The following UCHL5 variants were observed in gnomAD, a reference collection of about 807,000 sequenced individuals.
UCHL5 encodes the protein ubiquitin C-terminal hydrolase L5.
Under a neutral mutation model 53.8 loss-of-function variants are expected in UCHL5, and 34 were observed. The ratio of observed to expected loss-of-function variants is 0.63; its 90% CI spans 0.48 to 0.84. The LOEUF (loss-of-function observed/expected upper bound fraction) is 0.84, where lower values mean the gene tolerates loss of function less well. UCHL5 is among the 40% of genes least tolerant of loss of function. UCHL5 has a pLI of 0.00. For synonymous variants in UCHL5, 111 were observed against 126.3 expected (o/e 0.88, Z 0.81); for missense variants, 290 against 385.6 (o/e 0.75, Z 2.08).
Position 193,014,132 on chromosome 1 carries a change from T to C in UCHL5, c.*2219A>G, listed in dbSNP as rs1441656467. ...TAAAAAAAACTTTCCAAATAGCATT[T>C]ATCTATTTATGGGTTGCTCTTTATT... On this transcript the variant is annotated 3_prime_UTR_variant, in exon 11 of 11. Coordinates refer to ENST00000367454, the MANE Select transcript of UCHL5 (RefSeq NM_001199261.3). 6.6e-6 allele frequency: 1 copy of C among 152,192 alleles called. No individual in the cohort carries two copies. Among genetic ancestry groups the C allele is most frequent in the African/African-American group, 2.4e-5 (1 of 41,460 alleles). 9.4% of individuals were successfully genotyped at this position (152,192 alleles called of 1,614,324 possible).
At chr1:193,024,018 G>C (rs546690492) in intron 7 of UCHL5, 72 bp from the exon 8 acceptor site, 1 of 1,057,384 alleles carries the variant, frequency 9.5e-7, no homozygotes, top group Non-Finnish European at 1.4e-6. Context: ...ATAATCCATC[G>C]TGATTCCCCT....
At chr1:193,045,906 T>C (rs2102764363) in intron 3 of UCHL5, among the ~76,000 whole-genome samples, 1 of 152,346 alleles carries the variant, frequency 6.6e-6, no homozygotes, top group South Asian at 2.1e-4. Context: ...TTTAAACTCA[T>C]CTGTCCCCTA....
chr1:193,054,957 A>T (rs1670156408), intron 1 of UCHL5, among the ~76,000 whole-genome samples: 1 of 152,204 alleles, frequency 6.6e-6, no homozygotes, highest in African/African-American at 2.4e-5. Flanking sequence ...ATGTCAATAC[A>T]AAAATCCAAG....
rs375167412 is a variant in UCHL5 at position 193,029,393 on chromosome 1, G to T, written c.429C>A (p.Phe143Leu). The T allele has an allele frequency of 5.0e-6, 8 of 1,613,544 alleles. No individual in the cohort carries two copies. Among genetic ancestry groups the T allele is most frequent in the Non-Finnish European group, 6.8e-6 (8 of 1,179,842 alleles). ...SDVIRQVHNS[F>L]ARQQMFEFDT... is the part of the protein sequence containing the mutation. Reference sequence around the variant, plus strand: ...TTAACATAAAGTCTCTTTACCTGGCGAAACTGTTGTGTACTTGTCGAATCA... The same window carrying T: ...TTAACATAAAGTCTCTTTACCTGGCTAAACTGTTGTGTACTTGTCGAATCA... Residue 143 changes from phenylalanine to leucine, a missense_variant, in exon 5 of 11, where the codon TTC becomes TTA. Physicochemically the swap from Phe to Leu is conservative, Grantham distance 22. Transcript: ENST00000367454.
intron 10 of UCHL5, chr1:193,020,291 A>C: frequency 6.5e-7 from 1 of 1,532,516 alleles, no homozygotes; most frequent in Non-Finnish European, 8.8e-7. Flanking sequence ...AAAATTAATA[A>C]GGAAAATATA....
In UCHL5 at chr1:193,016,134, A is replaced by G; in HGVS notation, c.*217T>C. ...CAATGTCAAATAATGGAATTTGGGA[A>G]AGCATTCTTAATATCACTTTCATTT... On this transcript the variant is annotated 3_prime_UTR_variant, in exon 11 of 11. Coordinates refer to ENST00000367454, the MANE Select transcript of UCHL5 (RefSeq NM_001199261.3). 1 of 465,062 alleles carries G rather than the reference A, an allele frequency of 2.2e-6. No homozygotes were observed. The highest frequency in any genetic ancestry group is 4.1e-5 in the Admixed American group (1 of 24,522). 28.8% of individuals were successfully genotyped at this position (465,062 alleles called of 1,614,324 possible). A position where few individuals can be genotyped will look rare whatever the true frequency, so the allele number is the denominator to read the frequency against.
intron 7 of UCHL5, among the ~76,000 whole-genome samples, chr1:193,027,030 T>C (rs923403801): frequency 6.6e-6 from 1 of 152,192 alleles, no homozygotes; most frequent in Non-Finnish European, 1.5e-5. Flanking sequence ...TATAACATTC[T>C]TTAAATGACA....
At chr1:193,020,874 T>G (rs565926459) in intron 10 of UCHL5, among the ~76,000 whole-genome samples, 2 of 151,936 alleles carry the variant, frequency 1.3e-5, no homozygotes, top group South Asian at 2.1e-4. Context: ...GTCTTGACAC[T>G]AAGAATCTGG....
intron 6 of UCHL5, among the ~76,000 whole-genome samples, 189 bp downstream of exon 6, chr1:193,028,990 G>A (rs1660372914): frequency 6.6e-6 from 1 of 152,078 alleles, no homozygotes; most frequent in Admixed American, 6.6e-5. Context: ...GGCATCAACT[G>A]AACTATGGTA....
At chr1:193,028,289 TTG>T in intron 6 of UCHL5, 141 bp from the exon 7 acceptor site, 1 of 600,496 alleles carries the variant, frequency 1.7e-6, no homozygotes. Context: ...TATAATTATG[TTG>T]TTTCAATTCC....
chr1:193,044,301 T>C (rs920261040), intron 3 of UCHL5, among the ~76,000 whole-genome samples: 4 of 152,168 alleles, frequency 2.6e-5, no homozygotes. Flanking sequence ...TGGCACATTG[T>C]AGGTATTCAG....
chr1:193,024,243 T>TAA lies in UCHL5; in HGVS notation c.630-299_630-298dup, dbSNP rs201888142. Among the ~76,000 whole-genome samples, 1,345 of 141,246 alleles carry TAA rather than the reference T, an allele frequency of 9.5e-3. 110 individuals are homozygous for TAA. In the East Asian group the frequency reaches 0.21, roughly 22 times the overall value. The allele number at this position is 141,246 out of a possible 152,430, so 92.7% of individuals were successfully genotyped here. ...GGCAACAGAACAAGACCCTGTCTCTTAAAAAAAAAAACAAAAAAAAGCTTT... is the reference window on the plus strand; with the variant it reads ...GGCAACAGAACAAGACCCTGTCTCTTAAAAAAAAAAAAACAAAAAAAAGCTTT... On this transcript the variant is annotated intron_variant, in intron 7 of 10. Coordinates refer to ENST00000367454, the MANE Select transcript of UCHL5 (RefSeq NM_001199261.3).
In UCHL5 at chr1:193,021,195, T is replaced by A. The variant is rs766225024; in HGVS notation, c.844A>T (p.Ile282Phe). ...EEVQKLKRYKIENIRRKHNYL... is the reference protein window; with the variant it reads ...EEVQKLKRYKFENIRRKHNYL... ...TTATGCTTCCTTCTGATATTCTCAA[T>A]CTGAAAATAAAACATCAATCCACAC... The change falls in exon 10 of 11, where the codon ATT (isoleucine) becomes TTT (phenylalanine). Residue 282 changes from isoleucine (I) to phenylalanine (F), a missense_variant and splice_region_variant. Physicochemically the swap from Ile to Phe is conservative, Grantham distance 21 (BLOSUM62 0). Coordinates refer to ENST00000367454, the MANE Select transcript of UCHL5 (RefSeq NM_001199261.3). 1.9e-6 allele frequency: 3 copies of A among 1,588,022 alleles called. No homozygotes were observed. The highest frequency in any genetic ancestry group is 2.6e-6 in the Non-Finnish European group (3 of 1,158,824).
At chr1:193,019,218 A>T (rs1655998972) in intron 10 of UCHL5, among the ~76,000 whole-genome samples, 1 of 151,566 alleles carries the variant, frequency 6.6e-6, no homozygotes, top group Non-Finnish European at 1.5e-5. Context: ...GCCTGACTTT[A>T]TCCTGGCATT....
chr1:193,018,573 A>G, intron 10 of UCHL5: 2 of 1,201,816 alleles, frequency 1.7e-6, no homozygotes, highest in Non-Finnish European at 2.1e-6. Flanking sequence ...AAAAACATTT[A>G]TAGGTTCTAA....
chr1:193,044,212 C>T (rs1033466523), intron 3 of UCHL5, among the ~76,000 whole-genome samples: 4 of 152,176 alleles, frequency 2.6e-5, no homozygotes, highest in Non-Finnish European at 5.9e-5. Flanking sequence ...TGATTAATAT[C>T]AATTGCTTCC....
chr1:193,041,821 A>G (rs1427531247), intron 3 of UCHL5, among the ~76,000 whole-genome samples: 1 of 152,158 alleles, frequency 6.6e-6, no homozygotes, highest in Non-Finnish European at 1.5e-5. Context: ...TTAACAATAT[A>G]ATATTAAGTG....
At chr1:193,054,220 T>C (rs1571944068) in intron 1 of UCHL5, among the ~76,000 whole-genome samples, 1 of 152,162 alleles carries the variant, frequency 6.6e-6, no homozygotes, top group East Asian at 1.9e-4. Context: ...AAAATAACTG[T>C]CTTAAAAATC....
Position 193,059,276 on chromosome 1 carries a change from C to T in UCHL5, c.-16G>A. The T allele has an allele frequency of 6.2e-7, 1 of 1,613,706 alleles. No individual in the cohort carries two copies. The highest frequency in any genetic ancestry group is 8.5e-7 in the Non-Finnish European group (1 of 1,179,880). On this transcript the variant is annotated 5_prime_UTR_variant, in exon 1 of 11. In the 5' UTR this introduces an upstream ATG that the reference lacks. Transcript: ENST00000367454. This position sits in a 1 kb window ranked among gnomAD's most constrained non-coding sequence, Gnocchi z 4.9. Reference sequence around the variant, plus strand: ...TGCCCGTCATGGCCCTGGCCACACACCGCCCCGATCCACCTCTCGCTCTCA... The same window carrying T: ...TGCCCGTCATGGCCCTGGCCACACATCGCCCCGATCCACCTCTCGCTCTCA...
Sources: allele counts gnomAD v4.1 joint callset (sites outside exome capture counted in the v4.1 genomes callset), GRCh38; gene constraint gnomAD v4.1.1; non-coding constraint Gnocchi (gnomAD v3.1); transcripts MANE v1.5; gene names NCBI Gene and HGNC (gene_info 2026-07-23, HGNC 2026-07-21).